The following TTC28 variants were observed in gnomAD, a reference collection of about 807,000 sequenced individuals.
TTC28 encodes tetratricopeptide repeat domain 28.
Under a neutral mutation model 198.0 loss-of-function variants are expected in TTC28, and 61 were observed. The ratio of observed to expected loss-of-function variants is 0.31; its 90% CI spans 0.25 to 0.38. The LOEUF is 0.38. Ranked by LOEUF, TTC28 falls within the 10% of genes least tolerant of loss-of-function variation. The pLI, the probability that TTC28 is intolerant of heterozygous loss-of-function variation, is 1.00. For missense variants in TTC28, 2,678 were observed against 3,164.0 expected, an observed-to-expected ratio of 0.85 and a Z score of 3.69; for synonymous variants, 1,171 against 1,297.8, an observed-to-expected ratio of 0.90 and a Z score of 2.10.
At chr22:28,559,042 A>C (rs1003854154) in intron 2 of TTC28, among the ~76,000 whole-genome samples, 2 of 152,174 alleles carry the variant, frequency 1.3e-5, no homozygotes, top group African/African-American at 4.8e-5. Flanking sequence ...TCTCAAAAAA[A>C]AAAAAGAGAG....
Position 28,386,597 on chromosome 22 carries a change from G to A in TTC28, c.382-79954C>T, listed in dbSNP as rs56989664. Among the ~76,000 whole-genome samples the A allele has an allele frequency of 7.8e-3, 1,183 of 152,184 alleles. 21 individuals carry two copies. Among genetic ancestry groups the A allele is most frequent in the African/African-American group, 0.026 (1,090 of 41,536 alleles). On this transcript the variant is annotated intron_variant, in intron 2 of 22. Coordinates refer to ENST00000397906, the MANE Select transcript of TTC28 (RefSeq NM_001145418.2). Reference sequence around the variant, plus strand: ...TTGAATGGGTATAGGGTCAGACACAGGTATTTCTTTCTATACTATGACTCC... The same window carrying A: ...TTGAATGGGTATAGGGTCAGACACAAGTATTTCTTTCTATACTATGACTCC...
At chr22:28,193,419 C>G (rs191264037) in intron 5 of TTC28, among the ~76,000 whole-genome samples, 1 of 152,150 alleles carries the variant, frequency 6.6e-6, no homozygotes, top group African/African-American at 2.4e-5. Flanking sequence ...ATGACAGGAT[C>G]AAATTCACAC....
At chr22:28,460,827 G>A (rs2047939831) in intron 2 of TTC28, among the ~76,000 whole-genome samples, 1 of 152,016 alleles carries the variant, frequency 6.6e-6, no homozygotes, top group Non-Finnish European at 1.5e-5. Flanking sequence ...GGGACCACAG[G>A]TGTGCATCAC....
intron 2 of TTC28, among the ~76,000 whole-genome samples, chr22:28,517,026 G>A (rs2146413255): frequency 6.6e-6 from 1 of 152,286 alleles, no homozygotes; most frequent in Admixed American, 6.5e-5. Flanking sequence ...TAGACTCAGA[G>A]ACAATACTCT....
chr22:28,327,046 C>T (rs193141819), intron 2 of TTC28, among the ~76,000 whole-genome samples: 276 of 149,216 alleles, frequency 1.8e-3, no homozygotes, highest in East Asian at 8.2e-3. Context: ...AAAAATAATA[C>T]GTAAAAATGA....
chr22:28,632,978 AT>A (rs1468860526), intron 1 of TTC28, among the ~76,000 whole-genome samples: 1 of 150,552 alleles, frequency 6.6e-6, no homozygotes, highest in Admixed American at 6.6e-5. Flanking sequence ...AAAAAAAAAA[AT>A]TATTTAAAAA....
chr22:28,316,474 A>T (rs2045354072), intron 2 of TTC28, among the ~76,000 whole-genome samples: 1 of 152,108 alleles, frequency 6.6e-6, no homozygotes, highest in Non-Finnish European at 1.5e-5. Flanking sequence ...GTCTATATGT[A>T]CAAAATATCT....
chr22:28,674,013 C>T (rs1291820642), intron 1 of TTC28, among the ~76,000 whole-genome samples: 1 of 152,044 alleles, frequency 6.6e-6, no homozygotes, highest in Non-Finnish European at 1.5e-5. Flanking sequence ...AAACAGCACA[C>T]AAAACAAGAA....
chr22:28,531,287 A>C (rs542324788), intron 2 of TTC28, among the ~76,000 whole-genome samples: 42 of 152,246 alleles, frequency 2.8e-4, no homozygotes, highest in Non-Finnish European at 5.1e-4. Flanking sequence ...GACTTTAAAT[A>C]AACAAAGATC....
intron 5 of TTC28, 114 bp downstream of exon 5, chr22:28,296,084 T>C: frequency 8.6e-7 from 1 of 1,156,330 alleles, no homozygotes; most frequent in Non-Finnish European, 1.2e-6. Context: ...AGTAATACTT[T>C]CTTCTGAAAG....
At chr22:28,154,388 G>T (rs1943699808) in intron 6 of TTC28, among the ~76,000 whole-genome samples, 1 of 130,740 alleles carries the variant, frequency 7.6e-6, no homozygotes, top group Non-Finnish European at 1.5e-5. Context: ...GTCTCACTCT[G>T]TCGCCCAGGC....
In TTC28 at chr22:27,996,028, G is replaced by A. The variant is rs111790268; in HGVS notation, c.5244+107C>T. ...CCATCCTGGACACGGCCCCAATCAC[G>A]GTGTCCTCTCCAACTGCTCACATCC... On this transcript the variant is annotated intron_variant, in intron 17 of 22. Coordinates refer to ENST00000397906, the MANE Select transcript of TTC28 (RefSeq NM_001145418.2). 87 of 1,443,238 alleles carry A rather than the reference G, an allele frequency of 6.0e-5. 1 individual carries two copies. The highest frequency in any genetic ancestry group is 2.7e-4 in the African/African-American group (19 of 71,346). 89.4% of individuals were successfully genotyped at this position (1,443,238 alleles called of 1,614,324 possible). A position where few individuals can be genotyped will look rare whatever the true frequency, so the allele number is the denominator to read the frequency against.
At chr22:28,674,043 AG>A (rs1343800911) in intron 1 of TTC28, among the ~76,000 whole-genome samples, 4 of 152,172 alleles carry the variant, frequency 2.6e-5, no homozygotes, top group Non-Finnish European at 5.9e-5. Flanking sequence ...AAAAATAAAG[AG>A]CTTTCAATTA....
At chr22:28,532,029 A>C (rs1019925131) in intron 2 of TTC28, among the ~76,000 whole-genome samples, 1 of 152,218 alleles carries the variant, frequency 6.6e-6, no homozygotes, top group African/African-American at 2.4e-5. Flanking sequence ...CACGTGCAAA[A>C]GCTAGCAGAA....
intron 6 of TTC28, among the ~76,000 whole-genome samples, chr22:28,155,757 A>G (rs553570583): frequency 1.6e-4 from 24 of 152,356 alleles, no homozygotes; most frequent in African/African-American, 5.1e-4. Context: ...GAATTTAAAA[A>G]TGGAAAATCA....
chr22:28,475,145 A>G (rs1304384539), intron 2 of TTC28, among the ~76,000 whole-genome samples: 2 of 103,038 alleles, frequency 1.9e-5, no homozygotes, highest in African/African-American at 3.9e-5. Flanking sequence ...GCGAGACTCC[A>G]TCTCAAAAAA....
chr22:28,578,844 G>A (rs2050189137), intron 2 of TTC28, among the ~76,000 whole-genome samples: 1 of 152,044 alleles, frequency 6.6e-6, no homozygotes, highest in Non-Finnish European at 1.5e-5. Flanking sequence ...GTCCATGGAA[G>A]AAACATTTAG....
Position 28,101,223 on chromosome 22 carries a change from C to T in TTC28, c.3365G>A (p.Gly1122Asp). 6.4e-7 allele frequency: 1 copy of T among 1,551,754 alleles called. No homozygotes were observed. Among genetic ancestry groups the T allele is most frequent in the Non-Finnish European group, 8.7e-7 (1 of 1,146,986 alleles). The change falls in exon 9 of 23, where the codon GGC becomes GAC. Residue 1122 changes from glycine to aspartate, a missense_variant. This residue lies in a region of TTC28 where 727 missense variants were observed against 861.9 expected (regional missense o/e 0.84). Coordinates refer to ENST00000397906, the MANE Select transcript of TTC28 (RefSeq NM_001145418.2). ...ACTAGCCCAAAGGGAGAGGCCAAGG[C>T]CATGGCGAATTTTTGCCTCATCTTC... Reference protein sequence around the residue: ...RREDEAKIRHGLGLSLWASGN... With the variant: ...RREDEAKIRHDLGLSLWASGN...
intron 2 of TTC28, among the ~76,000 whole-genome samples, chr22:28,443,311 T>G (rs929838762): frequency 6.6e-6 from 1 of 152,212 alleles, no homozygotes; most frequent in Non-Finnish European, 1.5e-5. Flanking sequence ...AAACCCCTTT[T>G]GGCGAATTCT....
Sources: allele counts gnomAD v4.1 joint callset (sites outside exome capture counted in the v4.1 genomes callset), GRCh38; gene constraint gnomAD v4.1.1; regional missense constraint gnomAD v4.1.1; transcripts MANE v1.5; gene names NCBI Gene and HGNC (gene_info 2026-07-23, HGNC 2026-07-21).